SHISAL1: variants seen among roughly 807,000 people sequenced by gnomAD.
The protein encoded by SHISAL1 is shisa like 1, also known as protein shisa-like-1.
SHISAL1 carries 9 observed loss-of-function variants against 22.6 expected under a neutral mutation model. The ratio of observed to expected loss-of-function variants is 0.40; its 90% confidence interval spans 0.24 to 0.70. SHISAL1 has a LOEUF of 0.70. SHISAL1 is among the 30% of genes least tolerant of loss of function. SHISAL1 has a pLI of 0.39. For missense variants in SHISAL1, 246 were observed against 270.6 expected (o/e 0.91, Z 0.64); for synonymous variants, 119 against 115.4 (o/e 1.03, Z -0.20).
chr22:44,288,728 T>A (rs1335103462), intron 3 of SHISAL1, among the ~76,000 whole-genome samples: 3 of 152,226 alleles, frequency 2.0e-5, no homozygotes, highest in Admixed American at 6.5e-5. Context: ...TGCACCTCTC[T>A]CCAGAACCCC....
At chr22:44,273,483 T>G (rs1340928892) in intron 4 of SHISAL1, among the ~76,000 whole-genome samples, 3 of 152,242 alleles carry the variant, frequency 2.0e-5, no homozygotes, top group Non-Finnish European at 4.4e-5. Flanking sequence ...TACAATGTAT[T>G]TAATTGCATG....
At chr22:44,280,911 A>T (rs557212490) in intron 4 of SHISAL1, among the ~76,000 whole-genome samples, 36 of 152,126 alleles carry the variant, frequency 2.4e-4, no homozygotes, top group Non-Finnish European at 4.6e-4. Flanking sequence ...GATTTGAGAC[A>T]GCAACAATAA....
intron 2 of SHISAL1, among the ~76,000 whole-genome samples, chr22:44,298,830 C>G (rs2055406000): frequency 6.6e-6 from 1 of 152,204 alleles, no homozygotes; most frequent in Non-Finnish European, 1.5e-5. Flanking sequence ...ATTACCAGCA[C>G]CCAGCTCACC....
chr22:44,269,555 C>G (rs1178138349), intron 4 of SHISAL1, among the ~76,000 whole-genome samples: 1 of 146,860 alleles, frequency 6.8e-6, no homozygotes, highest in Non-Finnish European at 1.5e-5. Flanking sequence ...ACAGATACAA[C>G]ACTACACACA....
At chr22:44,320,874 G>A in the SHISAL1 span, among the ~76,000 whole-genome samples, 5 of 152,338 alleles carry the variant, frequency 3.3e-5, no homozygotes, top group Non-Finnish European at 7.3e-5. Context: ...TGGGGCAGTG[G>A]AGTCTCACCA....
chr22:44,320,147 G>A, the SHISAL1 span, among the ~76,000 whole-genome samples: 1 of 152,196 alleles, frequency 6.6e-6, no homozygotes, highest in African/African-American at 2.4e-5. Context: ...GGGTATAGGA[G>A]TGAACTAGGC....
upstream of SHISAL1, among the ~76,000 whole-genome samples, chr22:44,317,373 G>A (rs1010243551): frequency 1.1e-4 from 17 of 152,224 alleles, no homozygotes; most frequent in Admixed American, 9.2e-4. Flanking sequence ...CTCCCTGGCG[G>A]CAATGGCTGG....
At chr22:44,251,047 A>G (rs370166415) in intron 4 of SHISAL1, among the ~76,000 whole-genome samples, 181 of 152,360 alleles carry the variant, frequency 1.2e-3, no homozygotes, top group African/African-American at 4.2e-3. Flanking sequence ...AGCCAGGTCC[A>G]GGTACTCTCC....
At chr22:44,299,995 C>T (rs1174976555) in intron 2 of SHISAL1, among the ~76,000 whole-genome samples, 1 of 134,806 alleles carries the variant, frequency 7.4e-6, no homozygotes, top group Non-Finnish European at 1.5e-5. Flanking sequence ...GACAAAGAGG[C>T]AGAGGACAGA....
At chr22:44,294,795 T>A (rs979675866) in intron 3 of SHISAL1, among the ~76,000 whole-genome samples, 1 of 152,126 alleles carries the variant, frequency 6.6e-6, no homozygotes, top group African/African-American at 2.4e-5. Flanking sequence ...AATTCCTATC[T>A]CAAAATCATT....
chr22:44,297,791 G>C (rs777822312), intron 2 of SHISAL1, among the ~76,000 whole-genome samples: 3 of 152,260 alleles, frequency 2.0e-5, no homozygotes, highest in Non-Finnish European at 2.9e-5. Context: ...AAAAGAGATC[G>C]CTGTATCTAA....
chr22:44,271,824 G>A (rs190383797), intron 4 of SHISAL1, among the ~76,000 whole-genome samples: 1,560 of 152,238 alleles, frequency 0.01, 14 homozygotes, highest in Non-Finnish European at 0.012. Flanking sequence ...GCTGCAGCCC[G>A]GAGGGTGATT....
At chr22:44,303,124 G>A (rs569064271) in intron 1 of SHISAL1, among the ~76,000 whole-genome samples, 44 of 152,228 alleles carry the variant, frequency 2.9e-4, no homozygotes, top group Admixed American at 5.2e-4. Flanking sequence ...TGTTGCCTGC[G>A]TGTATCTGGT....
chr22:44,327,950 G>A, the SHISAL1 span, among the ~76,000 whole-genome samples: 2 of 152,132 alleles, frequency 1.3e-5, no homozygotes, highest in African/African-American at 4.8e-5. Context: ...GCTGGGCTGG[G>A]AAAAGCCTCT....
At chr22:44,294,283 A>G (rs1400761642) in intron 3 of SHISAL1, among the ~76,000 whole-genome samples, 2 of 152,214 alleles carry the variant, frequency 1.3e-5, no homozygotes, top group African/African-American at 4.8e-5. Flanking sequence ...GCACCCGTGC[A>G]TTTGAGGAAG....
At chr22:44,309,352 C>T (rs1037844959) in intron 1 of SHISAL1, among the ~76,000 whole-genome samples, 1 of 152,202 alleles carries the variant, frequency 6.6e-6, no homozygotes, top group Non-Finnish European at 1.5e-5. Context: ...AGTAATTCAA[C>T]AGGGCAGGGC....
the SHISAL1 span, among the ~76,000 whole-genome samples, chr22:44,329,631 T>C: frequency 5.3e-5 from 8 of 152,204 alleles, no homozygotes; most frequent in African/African-American, 1.7e-4. Flanking sequence ...GGGCCGGGGC[T>C]GCCTGGTTGC....
chr22:44,306,801 G>A (rs1369297490), intron 1 of SHISAL1, among the ~76,000 whole-genome samples: 2 of 136,264 alleles, frequency 1.5e-5, no homozygotes, highest in Admixed American at 1.5e-4. Context: ...TCGGGGAATT[G>A]TGATGACGAC....
At chr22:44,278,346 C>T (rs529453190) in intron 4 of SHISAL1, among the ~76,000 whole-genome samples, 13 of 152,246 alleles carry the variant, frequency 8.5e-5, no homozygotes, top group African/African-American at 3.1e-4. Flanking sequence ...ACTTTGTGAT[C>T]GTGTGAGTTA....
Sources: allele counts gnomAD v4.1 joint callset (sites outside exome capture counted in the v4.1 genomes callset), GRCh38; gene constraint gnomAD v4.1.1; transcripts MANE v1.5; gene names NCBI Gene and HGNC (gene_info 2026-07-23, HGNC 2026-07-21).